FAM13B: variants seen among roughly 807,000 people sequenced by gnomAD.
The protein encoded by FAM13B is family with sequence similarity 13 member B.
FAM13B carries 60 observed loss-of-function variants against 117.3 expected under a neutral mutation model. The observed-to-expected ratio is 0.51, with a 90% CI of 0.42 to 0.63. FAM13B has a LOEUF of 0.63. Among genes scored for constraint, FAM13B ranks in the 30% least tolerant of loss-of-function variants. The probability of loss-of-function intolerance (pLI) is 0.00; values close to 1 mark genes in which losing one functional copy is unlikely to be tolerated. For synonymous variants in FAM13B, 332 were observed against 356.1 expected (o/e 0.93, Z 0.76); for missense variants, 972 against 1,091.9 (o/e 0.89, Z 1.55).
chr5:137,974,144 A>C (rs1773171153), intron 10 of FAM13B, among the ~76,000 whole-genome samples: 1 of 150,756 alleles, frequency 6.6e-6, no homozygotes, highest in South Asian at 2.1e-4. Flanking sequence ...TGCTATAAAG[A>C]CACATGCACA....
chr5:138,046,427 G>A (rs1473062017), intron 1 of FAM13B, among the ~76,000 whole-genome samples: 4 of 152,324 alleles, frequency 2.6e-5, no homozygotes, highest in East Asian at 1.9e-4. Flanking sequence ...GCCACAAGGC[G>A]AGCTTTGAGG....
intron 11 of FAM13B, among the ~76,000 whole-genome samples, chr5:137,961,314 A>AAAAAAC (rs1362900840): frequency 1.3e-5 from 2 of 151,170 alleles, no homozygotes; most frequent in Non-Finnish European, 2.9e-5. Flanking sequence ...CTTTTTCCAA[A>AAAAAAC]AACAACAACA....
At chr5:137,954,951 T>A (rs1476919734) in intron 14 of FAM13B, among the ~76,000 whole-genome samples, 1 of 152,130 alleles carries the variant, frequency 6.6e-6, no homozygotes, top group Non-Finnish European at 1.5e-5. Context: ...AAATTTAAAT[T>A]TCTGAACCCA....
chr5:137,941,101 G>C (rs991939756), intron 23 of FAM13B, among the ~76,000 whole-genome samples: 1 of 151,986 alleles, frequency 6.6e-6, no homozygotes, highest in Non-Finnish European at 1.5e-5. Flanking sequence ...GTAGAGACAG[G>C]GTTTCACTGT....
chr5:138,025,045 G>C (rs1309335115), intron 1 of FAM13B, among the ~76,000 whole-genome samples: 1 of 151,482 alleles, frequency 6.6e-6, no homozygotes, highest in Admixed American at 6.6e-5. Context: ...TAATTTTTTT[G>C]TATTTTTTGG....
chr5:138,017,296 A>C (rs985161908), intron 4 of FAM13B, among the ~76,000 whole-genome samples: 1 of 152,226 alleles, frequency 6.6e-6, no homozygotes, highest in Non-Finnish European at 1.5e-5. Context: ...TTAGGCTCAC[A>C]GTTTAAAATT....
Position 138,011,715 on chromosome 5 carries a change from G to C in FAM13B, c.548+53C>G, listed in dbSNP as rs932816987. 2.2e-6 allele frequency: 3 copies of C among 1,387,570 alleles called. No homozygotes were observed. In the African/African-American group the frequency reaches 4.4e-5, roughly 20 times the overall value. The allele number at this position is 1,387,570 out of a possible 1,614,324, so 86.0% of individuals were successfully genotyped here. A position where few individuals can be genotyped will look rare whatever the true frequency, so the allele number is the denominator to read the frequency against. The stretch of plus-strand genomic sequence containing the variant: ...TTACAGGCATGAGCCACCGTGCCCG[G>C]CCTCACATATCTAATTTTTAAAAAT... On this transcript the variant is annotated intron_variant, in intron 5 of 23. Coordinates refer to ENST00000689681, the MANE Select transcript of FAM13B (RefSeq NM_001385994.1).
At chr5:137,973,217 G>A (rs1772840213) in intron 10 of FAM13B, among the ~76,000 whole-genome samples, 1 of 152,106 alleles carries the variant, frequency 6.6e-6, no homozygotes, top group South Asian at 2.1e-4. Context: ...TATACTATAA[G>A]GCTACAGTAA....
intron 7 of FAM13B, among the ~76,000 whole-genome samples, chr5:138,001,572 C>G (rs1002697148): frequency 6.6e-6 from 1 of 152,194 alleles, no homozygotes. Flanking sequence ...GTAGCAGGCA[C>G]TATCCTAAGT....
At chr5:137,996,302 AT>A (rs929256097) in intron 7 of FAM13B, among the ~76,000 whole-genome samples, 5 of 148,936 alleles carry the variant, frequency 3.4e-5, no homozygotes, top group African/African-American at 4.9e-5. Flanking sequence ...CGCCTGGCTA[AT>A]TTTTTTTTTG....
intron 7 of FAM13B, among the ~76,000 whole-genome samples, chr5:137,990,504 T>G (rs1778347890): frequency 6.6e-6 from 1 of 152,244 alleles, no homozygotes; most frequent in East Asian, 1.9e-4. Context: ...GATTTGCCCT[T>G]GTTAGTCATC....
At chr5:138,029,254 A>C (rs1789274016) in intron 1 of FAM13B, among the ~76,000 whole-genome samples, 1 of 152,232 alleles carries the variant, frequency 6.6e-6, no homozygotes, top group African/African-American at 2.4e-5. Flanking sequence ...TGAATTAGCA[A>C]CTAGAACTCT....
chr5:138,040,148 C>T (rs1791441068), intron 1 of FAM13B, among the ~76,000 whole-genome samples: 1 of 151,744 alleles, frequency 6.6e-6, no homozygotes, highest in East Asian at 1.9e-4. Flanking sequence ...CCTGTAATCC[C>T]AGCTACTGGG....
Position 137,938,539 on chromosome 5 carries a change from T to C in FAM13B, c.*1686A>G, listed in dbSNP as rs574812426. The C allele has an allele frequency of 3.9e-5, 6 of 152,730 alleles. No homozygotes were observed. In the East Asian group the frequency reaches 9.6e-4, roughly 25 times the overall value. The allele number at this position is 152,730 out of a possible 1,614,324, so 9.5% of individuals were successfully genotyped here. Reference sequence around the variant, plus strand: ...ATTTTCAATTTCACTTTTCTAGGTATACATTATGAATAACCTAGTTGTATC... The same window carrying C: ...ATTTTCAATTTCACTTTTCTAGGTACACATTATGAATAACCTAGTTGTATC... On this transcript the variant is annotated 3_prime_UTR_variant, in exon 24 of 24. Transcript: ENST00000689681.
chr5:138,003,977 C>T (rs557350713), intron 7 of FAM13B, among the ~76,000 whole-genome samples: 1 of 152,166 alleles, frequency 6.6e-6, no homozygotes, highest in Admixed American at 6.6e-5. Context: ...ATTAAAGAAT[C>T]CTAACAACTG....
chr5:137,989,955 G>A (rs910006276), intron 7 of FAM13B, among the ~76,000 whole-genome samples: 6 of 152,040 alleles, frequency 3.9e-5, no homozygotes, highest in Admixed American at 2.0e-4. Context: ...TATTTCTAGC[G>A]GTTTCCTGTG....
chr5:138,022,329 T>C (rs1439112744), intron 1 of FAM13B, among the ~76,000 whole-genome samples: 1 of 152,208 alleles, frequency 6.6e-6, no homozygotes. Flanking sequence ...TCTAATGGTA[T>C]CATTATCCTC....
rs1437164990 is a variant in FAM13B, at chr5:137,946,515, T to C, written c.2161-204A>G. 1.3e-5 allele frequency: 6 copies of C among 479,702 alleles called. No individual in the cohort carries two copies. The South Asian group carries it at 1.7e-4, about 13-fold the overall frequency. 29.7% of individuals were successfully genotyped at this position (479,702 alleles called of 1,614,324 possible). On this transcript the variant is annotated intron_variant, in intron 18 of 23. Coordinates refer to ENST00000689681, the MANE Select transcript of FAM13B (RefSeq NM_001385994.1). ...TCTCCTGTACAATTTGCTCTTATAATAAGTAGGTACCAACCCCTTTGATGG... is the reference window on the plus strand; with the variant it reads ...TCTCCTGTACAATTTGCTCTTATAACAAGTAGGTACCAACCCCTTTGATGG...
intron 1 of FAM13B, among the ~76,000 whole-genome samples, chr5:138,032,557 C>T (rs1047707575): frequency 9.9e-5 from 15 of 152,184 alleles, no homozygotes; most frequent in Non-Finnish European, 1.2e-4. Flanking sequence ...AAGGCTGCCA[C>T]ACCCCCCGGC....
Sources: gnomAD v4.1 joint callset for allele counts (sites outside exome capture counted in the v4.1 genomes callset) on GRCh38, gnomAD v4.1.1 for gene constraint, MANE v1.5 for transcripts, NCBI Gene and HGNC (gene_info 2026-07-23, HGNC 2026-07-21) for gene names.